HCN4: variants seen among roughly 807,000 people sequenced by gnomAD.
HCN4 encodes potassium/sodium hyperpolarization-activated cyclic nucleotide-gated channel 4.
HCN4 carries 29 observed loss-of-function variants against 76.9 expected under a neutral mutation model. The observed-to-expected ratio is 0.38, with a 90% CI of 0.28 to 0.51. The LOEUF (loss-of-function observed/expected upper bound fraction) is 0.51. Ranked by LOEUF, HCN4 falls within the 20% of genes least tolerant of loss-of-function variation. The pLI is 0.90. For synonymous variants in HCN4, 772 were observed against 762.5 expected (o/e 1.01, Z -0.21); for missense variants, 1,416 against 1,715.2 (o/e 0.83, Z 3.08).
chr15:73,335,464 C>A (rs560577209), intron 2 of HCN4: 1 of 152,300 alleles, frequency 6.6e-6, no homozygotes, highest in Non-Finnish European at 1.5e-5. Flanking sequence ...ATATTCTATT[C>A]TCCTACCTTG....
In HCN4 at chr15:73,368,076, C is replaced by G. The variant is rs1219260481; in HGVS notation, c.195G>C (p.Thr65=). 1 of 1,487,472 alleles carries G rather than the reference C, an allele frequency of 6.7e-7. No homozygotes were observed. Among genetic ancestry groups the G allele is most frequent in the South Asian group, 1.3e-5 (1 of 79,272 alleles). The allele number at this position is 1,487,472 out of a possible 1,614,324, so 92.1% of individuals were successfully genotyped here. The change falls in exon 1 of 8, where the codon ACG becomes ACC. Residue 65 remains threonine (T), a synonymous_variant. Transcript: ENST00000261917. This position sits in a 1 kb window ranked among gnomAD's most constrained non-coding sequence, Gnocchi z 6.9. ...CCCCGAGGGCCGAGCTCCGGGACTCCGTGCCACCCGCGGCCGCCGAGGGGG... is the reference window on the plus strand; with the variant it reads ...CCCCGAGGGCCGAGCTCCGGGACTCGGTGCCACCCGCGGCCGCCGAGGGGG... The part of the protein sequence containing the change: ...SPSPSAAAGG[T]ESRSSALGAA...
chr15:73,328,313 G>C lies in HCN4; in HGVS notation c.1590+1260C>G, dbSNP rs2042912609. On this transcript the variant is annotated intron_variant, in intron 4 of 7. Transcript: ENST00000261917. The surrounding 1 kb of genome is among the most constrained non-coding windows in gnomAD (Gnocchi z 4.0). Reference sequence around the variant, plus strand: ...GAGCAGGCATGGGGAGAGAAGTCTGGCCAGGCTGAAATAAAGGGTGCAAGG... The same window carrying C: ...GAGCAGGCATGGGGAGAGAAGTCTGCCCAGGCTGAAATAAAGGGTGCAAGG... 2.6e-5 allele frequency among the ~76,000 whole-genome samples: 4 copies of C among 152,006 alleles called. No individual in the cohort carries two copies. In the South Asian group the frequency reaches 8.3e-4, roughly 31 times the overall value.
chr15:73,362,753 G>T (rs540534205), intron 1 of HCN4, among the ~76,000 whole-genome samples: 19 of 152,166 alleles, frequency 1.2e-4, no homozygotes, highest in Non-Finnish European at 2.6e-4. Context: ...CAAAACCCTC[G>T]AAGCTCACAG....
In HCN4 at chr15:73,324,257, C is replaced by A. The variant is rs1189205685; in HGVS notation, c.1979-4G>T. 6.8e-6 allele frequency: 11 copies of A among 1,613,582 alleles called. No homozygotes were observed. The Admixed American group carries it at 1.8e-4, about 27-fold the overall frequency. ...CCCCGGGTCAGCAGGCAGATCTCTG[C>A]CAGAGCATCAGGACTCAGGATGAGG... On this transcript the variant is annotated splice_region_variant and splice_polypyrimidine_tract_variant and intron_variant, in intron 6 of 7. Transcript: ENST00000261917.
Position 73,343,876 on chromosome 15 carries a change from G to T in HCN4, c.786-68C>A. On this transcript the variant is annotated intron_variant, in intron 1 of 7. Coordinates refer to ENST00000261917, the MANE Select transcript of HCN4 (RefSeq NM_005477.3). The surrounding 1 kb of genome is among the most constrained non-coding windows in gnomAD (Gnocchi z 5.7). ...GACAAGTTACAGACTAAGGGAGGAA[G>T]ATCTGAGGGACAGCATCTGGGACAG... 1 of 1,522,034 alleles carries T rather than the reference G, an allele frequency of 6.6e-7. No homozygotes were observed. The highest frequency in any genetic ancestry group is 9.1e-7 in the Non-Finnish European group (1 of 1,099,576). The allele number at this position is 1,522,034 out of a possible 1,614,324, so 94.3% of individuals were successfully genotyped here. A position where few individuals can be genotyped will look rare whatever the true frequency, so the allele number is the denominator to read the frequency against.
chr15:73,342,007 G>A (rs2043007818), intron 2 of HCN4, among the ~76,000 whole-genome samples: 1 of 152,248 alleles, frequency 6.6e-6, no homozygotes, highest in African/African-American at 2.4e-5. Context: ...GCACAGGGAT[G>A]GAGCGGGAAA....
At chr15:73,349,474 T>C (rs1203261810) in intron 1 of HCN4, among the ~76,000 whole-genome samples, 1 of 152,132 alleles carries the variant, frequency 6.6e-6, no homozygotes, top group Admixed American at 6.5e-5. Context: ...CCAAAGAGTC[T>C]GACTCCAGAG....
intron 1 of HCN4, among the ~76,000 whole-genome samples, chr15:73,349,551 T>C (rs60799196): frequency 0.14 from 20,837 of 152,046 alleles, 1,968 homozygotes; most frequent in East Asian, 0.39. Flanking sequence ...TCCCAAACTC[T>C]GTCCCTCCCC....
chr15:73,351,641 GT>G (rs2043055381), intron 1 of HCN4, among the ~76,000 whole-genome samples: 1 of 152,182 alleles, frequency 6.6e-6, no homozygotes, highest in Admixed American at 6.5e-5. Context: ...CTCCTGGCCA[GT>G]CCAGGACCTC....
intron 2 of HCN4, among the ~76,000 whole-genome samples, chr15:73,333,091 C>T (rs1271730423): frequency 6.6e-6 from 1 of 152,190 alleles, no homozygotes; most frequent in East Asian, 1.9e-4. Flanking sequence ...CCCTTGACCC[C>T]AGCCCACTGG....
Position 73,322,912 on chromosome 15 carries a change from G to A in HCN4, c.3181C>T (p.Pro1061Ser), listed in dbSNP as rs1183768117. The part of the protein sequence containing the change: ...SLLLPPASSP[P>S]PPQVPQRRGT... ...CGGCGCTGGGGGACCTGGGGTGGTGGGGGGCTGGATGCAGGTGGCAGGAGC... is the reference window on the plus strand; with the variant it reads ...CGGCGCTGGGGGACCTGGGGTGGTGAGGGGCTGGATGCAGGTGGCAGGAGC... Residue 1061 changes from proline (P) to serine (S), a missense_variant, in exon 8 of 8, where the codon CCA becomes TCA. This residue lies in a region of HCN4 where 633 missense variants were observed against 579.8 expected (regional missense o/e 1.09). Transcript: ENST00000261917. The A allele has an allele frequency of 2.1e-6, 3 of 1,404,016 alleles. No individual in the cohort carries two copies. The highest frequency in any genetic ancestry group is 1.9e-6 in the Non-Finnish European group (2 of 1,062,322). The allele number at this position is 1,404,016 out of a possible 1,614,324, so 87.0% of individuals were successfully genotyped here.
chr15:73,349,359 A>AC (rs1304880722), intron 1 of HCN4, among the ~76,000 whole-genome samples: 1 of 152,020 alleles, frequency 6.6e-6, no homozygotes, highest in African/African-American at 2.4e-5. Context: ...TTAAAAAAAA[A>AC]CCCCTATGAG....
chr15:73,322,482 C>T lies in HCN4; in HGVS notation c.3611G>A (p.Ter1204=). Residue 1204 remains the stop codon, a stop_retained_variant, in exon 8 of 8, where the codon TGA becomes TAA. Coordinates refer to ENST00000261917, the MANE Select transcript of HCN4 (RefSeq NM_005477.3). ...AGAAGAGGGAAGGAAGGGCCCAGCT[C>T]ATAGATTGGATGGCAGTTTGGAGCG... ...PVRSKLPSNL[*] is the part of the protein sequence containing the mutation. The T allele has an allele frequency of 6.3e-7, 1 of 1,588,076 alleles. No homozygotes were observed. The highest frequency in any genetic ancestry group is 8.6e-7 in the Non-Finnish European group (1 of 1,166,488).
In HCN4 at chr15:73,344,363, G is replaced by A. The variant is rs188669124; in HGVS notation, c.786-555C>T. On this transcript the variant is annotated intron_variant, in intron 1 of 7. Transcript: ENST00000261917. ...TCATCAACATGCTATGTGACATCCG[G>A]AAGGGCCTCCCTATTCTGGGCCTCA... 4.5e-4 allele frequency among the ~76,000 whole-genome samples: 69 copies of A among 152,324 alleles called. 1 individual carries two copies. The highest frequency in any genetic ancestry group is 2.7e-3 in the Admixed American group (42 of 15,306).
chr15:73,355,354 A>G (rs1180946890), intron 1 of HCN4, among the ~76,000 whole-genome samples: 3 of 152,214 alleles, frequency 2.0e-5, no homozygotes, highest in African/African-American at 7.2e-5. Context: ...GGAGCTAGAC[A>G]TCTCTAAAGA....
At chr15:73,351,125 A>AGTCTCCTC (rs1010622831) in intron 1 of HCN4, among the ~76,000 whole-genome samples, 1 of 152,092 alleles carries the variant, frequency 6.6e-6, no homozygotes, top group African/African-American at 2.4e-5. Flanking sequence ...ACCTGCAGAC[A>AGTCTCCTC]GTCTCCTCCT....
rs1181444062 is a variant in HCN4, at chr15:73,324,140, T to C, written c.2092A>G (p.Met698Val). 6 of 1,612,962 alleles carry C rather than the reference T, an allele frequency of 3.7e-6. No homozygotes were observed. In the Admixed American group the frequency reaches 6.7e-5, roughly 18 times the overall value. The change falls in exon 7 of 8, where the codon ATG becomes GTG. Residue 698 changes from methionine (M) to valine (V), a missense_variant. Met to Val is a conservative substitution (Grantham distance 21). Coordinates refer to ENST00000261917, the MANE Select transcript of HCN4 (RefSeq NM_005477.3). ...NFNEVLEEYP[M>V]MRRAFETVAL... ...ACGGTCTCGAAGGCCCTTCGCATCA[T>C]GGGGTACTCCTCCAGCACCTCATTG...
chr15:73,330,347 C>T (rs1038531330), intron 3 of HCN4, among the ~76,000 whole-genome samples: 5 of 152,230 alleles, frequency 3.3e-5, no homozygotes, highest in Non-Finnish European at 5.9e-5. Flanking sequence ...GCTAGGGCTG[C>T]GGCCACCAGT....
intron 2 of HCN4, among the ~76,000 whole-genome samples, chr15:73,338,103 C>T (rs1234741081): frequency 6.6e-6 from 1 of 152,204 alleles, no homozygotes; most frequent in Non-Finnish European, 1.5e-5. Context: ...CTCACCTCAC[C>T]TGCACCACTC....
Sources: allele counts gnomAD v4.1 joint callset (sites outside exome capture counted in the v4.1 genomes callset), GRCh38; gene constraint gnomAD v4.1.1; regional missense constraint gnomAD v4.1.1; non-coding constraint Gnocchi (gnomAD v3.1); transcripts MANE v1.5; gene names NCBI Gene and HGNC (gene_info 2026-07-23, HGNC 2026-07-21).